The following PAPPA2 variants were observed in gnomAD, a reference collection of about 807,000 sequenced individuals.
The protein encoded by PAPPA2 is pappalysin-2.
A neutral mutation model predicts 176.4 loss-of-function variants in PAPPA2; 86 were observed. The ratio of observed to expected loss-of-function variants is 0.49; its 90% confidence interval spans 0.41 to 0.58. The LOEUF (loss-of-function observed/expected upper bound fraction) is 0.58. Among genes scored for constraint, PAPPA2 ranks in the 20% least tolerant of loss-of-function variants. The pLI is 0.00. For missense variants in PAPPA2, 2,073 were observed against 2,256.9 expected (o/e 0.92, Z 1.65); for synonymous variants, 809 against 852.2 (o/e 0.95, Z 0.88).
In PAPPA2 at chr1:176,476,022, G is replaced by T. The variant is rs1652098515; in HGVS notation, c.-917+12604G>T. Reference sequence around the variant, plus strand: ...TTCTGAGTTACTGTAGTTATTTGGTGCTGTGACTTTAAAAGGTTTTTGTAA... The same window carrying T: ...TTCTGAGTTACTGTAGTTATTTGGTTCTGTGACTTTAAAAGGTTTTTGTAA... On this transcript the variant is annotated intron_variant, in intron 1 of 22. Transcript: ENST00000367662. Among the ~76,000 whole-genome samples, 2 of 151,756 alleles carry T rather than the reference G, an allele frequency of 1.3e-5. 1 individual carries two copies. Among genetic ancestry groups the T allele is most frequent in the South Asian group, 4.1e-4 (2 of 4,834 alleles).
rs140262843 is a variant in PAPPA2, at chr1:176,496,318, A to T, written c.-917+32900A>T. On this transcript the variant is annotated intron_variant, in intron 1 of 22. Coordinates refer to ENST00000367662, the MANE Select transcript of PAPPA2 (RefSeq NM_020318.3). ...TAGTTGAGTTTAATAAATATATATG[A>T]TTTGATATATAAATATTCACTTTTA... Among the ~76,000 whole-genome samples, 18 of 152,240 alleles carry T rather than the reference A, an allele frequency of 1.2e-4. No individual in the cohort carries two copies. In the East Asian group the frequency reaches 3.1e-3, roughly 26 times the overall value.
At position 176,556,485 on chromosome 1, in the gene PAPPA2, A is replaced by G. The variant is rs778371691; in HGVS notation, c.163A>G (p.Lys55Glu). The G allele has an allele frequency of 1.4e-5, 22 of 1,614,100 alleles. No individual in the cohort carries two copies. The Admixed American group carries it at 3.2e-4, about 23-fold the overall frequency. Residue 55 changes from lysine to glutamate, a missense_variant, in exon 2 of 23, where the codon AAG becomes GAG. Transcript: ENST00000367662. ...LEGERCWLGA[K>E]VRRPRASPQH... ...AGGAGAACGTTGTTGGCTGGGGGCC[A>G]AGGTTCGAAGACCCAGAGCTTCTCC...
At chr1:176,483,460 CTTTTTTTTTTTTTTTTT>C (rs56705620) in intron 1 of PAPPA2, among the ~76,000 whole-genome samples, 2 of 48,588 alleles carry the variant, frequency 4.1e-5, no homozygotes, top group Non-Finnish European at 7.6e-5. Flanking sequence ...ACTCAGACAT[CTTTTTTTTTTTTTTTTT>C]TTTTTTTTTT....
At chr1:176,520,302 C>T (rs1376486810) in intron 1 of PAPPA2, among the ~76,000 whole-genome samples, 16 of 152,176 alleles carry the variant, frequency 1.1e-4, no homozygotes, top group Non-Finnish European at 1.6e-4. Flanking sequence ...CAAAAATGTT[C>T]ACCCTCTTAG....
intron 2 of PAPPA2, among the ~76,000 whole-genome samples, chr1:176,584,744 T>A (rs1653202140): frequency 6.6e-6 from 1 of 152,182 alleles, no homozygotes; most frequent in African/African-American, 2.4e-5. Flanking sequence ...CTTTCTTTTT[T>A]ATTTTTTTGA....
intron 7 of PAPPA2, among the ~76,000 whole-genome samples, chr1:176,698,116 A>G (rs1660470109): frequency 6.6e-6 from 1 of 152,078 alleles, no homozygotes; most frequent in Admixed American, 6.6e-5. Context: ...GGGAAATTGC[A>G]ATGTTTGAAC....
chr1:176,837,845 T>C lies in PAPPA2; in HGVS notation c.5203-2328T>C, dbSNP rs1007400521. ...TTGGGATCAATTAGTCATTTTTCCT[T>C]TCCTATTTTTTCATTGTAACCTTGG... On this transcript the variant is annotated intron_variant, in intron 21 of 22. Coordinates refer to ENST00000367662, the MANE Select transcript of PAPPA2 (RefSeq NM_020318.3). 3.9e-5 allele frequency among the ~76,000 whole-genome samples: 6 copies of C among 152,364 alleles called. No individual in the cohort carries two copies. The East Asian group carries it at 9.6e-4, about 24-fold the overall frequency.
rs189200675 is a variant in PAPPA2, at chr1:176,832,471, G to C, written c.5203-7702G>C. Among the ~76,000 whole-genome samples the C allele has an allele frequency of 3.7e-4, 56 of 152,210 alleles. 1 individual carries two copies. The highest frequency in any genetic ancestry group is 6.8e-3 in the Middle Eastern group (2 of 294). Reference sequence around the variant, plus strand: ...AGGCTCAAGCGATTCTCCTGCCTCAGCCTCCCAAGTAGATGGGATTACAGG... The same window carrying C: ...AGGCTCAAGCGATTCTCCTGCCTCACCCTCCCAAGTAGATGGGATTACAGG... On this transcript the variant is annotated intron_variant, in intron 21 of 22. Coordinates refer to ENST00000367662, the MANE Select transcript of PAPPA2 (RefSeq NM_020318.3).
chr1:176,562,401 C>T (rs968881908), intron 2 of PAPPA2, among the ~76,000 whole-genome samples: 2 of 152,182 alleles, frequency 1.3e-5, no homozygotes, highest in African/African-American at 4.8e-5. Flanking sequence ...CGTGTGGGAT[C>T]TCTCCCTTTA....
chr1:176,799,636 G>A (rs1167394363), intron 20 of PAPPA2, among the ~76,000 whole-genome samples: 2 of 152,102 alleles, frequency 1.3e-5, no homozygotes, highest in East Asian at 1.9e-4. Context: ...TGTATTTGTC[G>A]ATCTTTAAAA....
At chr1:176,606,477 T>A (rs1335761902) in intron 3 of PAPPA2, among the ~76,000 whole-genome samples, 1 of 152,174 alleles carries the variant, frequency 6.6e-6, no homozygotes, top group African/African-American at 2.4e-5. Flanking sequence ...GATGAGTTTC[T>A]TTTTTTAGAT....
chr1:176,718,939 C>G (rs935076314), intron 12 of PAPPA2, among the ~76,000 whole-genome samples: 3 of 151,868 alleles, frequency 2.0e-5, no homozygotes, highest in African/African-American at 7.3e-5. Flanking sequence ...ACTATATATA[C>G]TTTGTATATA....
At chr1:176,643,803 T>C (rs985496556) in intron 3 of PAPPA2, among the ~76,000 whole-genome samples, 1 of 151,738 alleles carries the variant, frequency 6.6e-6, no homozygotes, top group African/African-American at 2.4e-5. Context: ...AACACTTGTG[T>C]TGGGCGGAAG....
intron 12 of PAPPA2, among the ~76,000 whole-genome samples, chr1:176,726,651 A>T (rs961445239): frequency 6.6e-6 from 1 of 152,200 alleles, no homozygotes; most frequent in African/African-American, 2.4e-5. Context: ...CTTTTAAAAG[A>T]TGGGCTGCAG....
intron 1 of PAPPA2, among the ~76,000 whole-genome samples, chr1:176,467,062 G>A (rs770797387): frequency 3.9e-5 from 6 of 152,136 alleles, no homozygotes; most frequent in East Asian, 1.9e-4. Context: ...ATCACAGGGT[G>A]CAGTTACACA....
At position 176,771,150 on chromosome 1, in the gene PAPPA2, T is replaced by A. The variant is rs1664206325; in HGVS notation, c.4685T>A (p.Val1562Glu). The change falls in exon 17 of 23, where the codon GTG (valine) becomes GAG (glutamate). Residue 1562 changes from valine to glutamate, a missense_variant. Transcript: ENST00000367662. ...TATGAATGCAAACCAGGGTACTATG[T>A]GGCAGAAAGTGCAGAGGGTAAAGTC... is the stretch of plus-strand genomic sequence containing the variant. ...CKYECKPGYY[V>E]AESAEGKVRN... The A allele has an allele frequency of 6.2e-7, 1 of 1,614,190 alleles. No individual in the cohort carries two copies. The highest frequency in any genetic ancestry group is 1.7e-5 in the Admixed American group (1 of 60,028).
intron 1 of PAPPA2, among the ~76,000 whole-genome samples, chr1:176,505,374 G>A (rs930662500): frequency 3.9e-5 from 6 of 152,068 alleles, no homozygotes; most frequent in African/African-American, 7.2e-5. Flanking sequence ...CATTATAAAC[G>A]ACTAAAACAA....
At chr1:176,549,041 A>G (rs1052721161) in intron 1 of PAPPA2, among the ~76,000 whole-genome samples, 1 of 152,196 alleles carries the variant, frequency 6.6e-6, no homozygotes, top group Admixed American at 6.5e-5. Context: ...TACTACTACC[A>G]TCTCAGGGAA....
intron 3 of PAPPA2, chr1:176,616,439 T>C: frequency 1.5e-6 from 1 of 657,134 alleles, no homozygotes; most frequent in Non-Finnish European, 2.8e-6. Flanking sequence ...CAACTGATGC[T>C]AGGGCAACAA....
Sources: allele counts gnomAD v4.1 joint callset (sites outside exome capture counted in the v4.1 genomes callset), GRCh38; gene constraint gnomAD v4.1.1; transcripts MANE v1.5; gene names NCBI Gene and HGNC (gene_info 2026-07-23, HGNC 2026-07-21).